SH3GL3: variants seen among roughly 807,000 people sequenced by gnomAD.
The protein encoded by SH3GL3 is SH3 domain containing GRB2 like 3, endophilin A3.
In SH3GL3, 33 loss-of-function variants were observed where a neutral mutation model predicts 47.7. That is an observed-to-expected ratio of 0.69 (90% CI 0.52 to 0.92). The LOEUF (loss-of-function observed/expected upper bound fraction) is 0.92. Among genes scored for constraint, SH3GL3 ranks in the 40% least tolerant of loss-of-function variants. SH3GL3 has a pLI of 0.00. For synonymous variants in SH3GL3, 155 were observed against 148.8 expected, an observed-to-expected ratio of 1.04 and a Z score of -0.30; for missense variants, 363 against 417.8, an observed-to-expected ratio of 0.87 and a Z score of 1.14.
intron 1 of SH3GL3, among the ~76,000 whole-genome samples, chr15:83,476,861 G>A (rs1048027691): frequency 6.6e-6 from 1 of 152,156 alleles, no homozygotes; most frequent in Non-Finnish European, 1.5e-5. Context: ...GAAGTATGGC[G>A]GTATGCATGT....
chr15:83,570,246 G>T (rs2730092), intron 4 of SH3GL3, among the ~76,000 whole-genome samples: 72,871 of 151,884 alleles, frequency 0.48, 17,773 homozygotes, highest in African/African-American at 0.56. Flanking sequence ...TTTCAGTACT[G>T]TTGAAAAGTC....
intron 1 of SH3GL3, among the ~76,000 whole-genome samples, chr15:83,497,118 G>A (rs2042111452): frequency 6.6e-6 from 1 of 152,096 alleles, no homozygotes; most frequent in Non-Finnish European, 1.5e-5. Context: ...TTGTGCTGGT[G>A]TTACATATTT....
At chr15:83,514,927 C>T (rs1305985580) in intron 1 of SH3GL3, among the ~76,000 whole-genome samples, 3 of 151,938 alleles carry the variant, frequency 2.0e-5, no homozygotes, top group Non-Finnish European at 2.9e-5. Flanking sequence ...GAAGGCAATG[C>T]GAGGATGGAA....
chr15:83,494,996 T>A (rs761738534), intron 1 of SH3GL3, among the ~76,000 whole-genome samples: 34 of 152,240 alleles, frequency 2.2e-4, no homozygotes, highest in Non-Finnish European at 3.8e-4. Flanking sequence ...AGATGCTCCT[T>A]CCCTTGGTGC....
chr15:83,493,051 A>G (rs954598080), intron 1 of SH3GL3, among the ~76,000 whole-genome samples: 2 of 152,254 alleles, frequency 1.3e-5, no homozygotes, highest in Non-Finnish European at 2.9e-5. Flanking sequence ...ATGTGGAAAC[A>G]TGATCATAGA....
At chr15:83,538,015 T>C (rs1425100154) in intron 1 of SH3GL3, among the ~76,000 whole-genome samples, 1 of 152,228 alleles carries the variant, frequency 6.6e-6, no homozygotes, top group African/African-American at 2.4e-5. Context: ...ATTTACTTCC[T>C]GGAAGTGAGA....
chr15:83,536,248 T>G (rs1243055886), intron 1 of SH3GL3, among the ~76,000 whole-genome samples: 3 of 152,134 alleles, frequency 2.0e-5, no homozygotes, highest in Non-Finnish European at 2.9e-5. Flanking sequence ...CAAGACTTTT[T>G]CTGGATATGG....
chr15:83,484,008 C>T (rs191245735), intron 1 of SH3GL3, among the ~76,000 whole-genome samples: 36 of 152,290 alleles, frequency 2.4e-4, no homozygotes, highest in African/African-American at 8.4e-4. Flanking sequence ...GAATCAAGAG[C>T]CTATTGTCAT....
chr15:83,586,588 G>C (rs529918916), intron 6 of SH3GL3, among the ~76,000 whole-genome samples: 1 of 152,300 alleles, frequency 6.6e-6, no homozygotes, highest in East Asian at 1.9e-4. Context: ...GAAAGTGCGT[G>C]TTGAGACACT....
intron 1 of SH3GL3, among the ~76,000 whole-genome samples, chr15:83,471,360 A>G (rs2040821409): frequency 6.6e-6 from 1 of 152,224 alleles, no homozygotes; most frequent in South Asian, 2.1e-4. Context: ...GCAGGAGGTT[A>G]TTACCTTGAG....
intron 1 of SH3GL3, chr15:83,490,968 C>G: frequency 6.2e-7 from 1 of 1,609,848 alleles, no homozygotes; most frequent in Non-Finnish European, 8.5e-7. Flanking sequence ...AAAAGCCATT[C>G]TCATCAGCAC....
chr15:83,615,552 A>G (rs992669068), intron 8 of SH3GL3, among the ~76,000 whole-genome samples: 3 of 152,188 alleles, frequency 2.0e-5, no homozygotes, highest in South Asian at 4.1e-4. Context: ...CCTCAAGTGA[A>G]CTGCCCGCCT....
chr15:83,476,562 T>C (rs2041108354), intron 1 of SH3GL3, among the ~76,000 whole-genome samples: 1 of 152,262 alleles, frequency 6.6e-6, no homozygotes, highest in Non-Finnish European at 1.5e-5. Context: ...GAGCTAAGAA[T>C]GGTTTTTATA....
chr15:83,485,635 C>T (rs1293885151), intron 1 of SH3GL3, among the ~76,000 whole-genome samples: 2 of 151,696 alleles, frequency 1.3e-5, no homozygotes, highest in African/African-American at 4.8e-5. Context: ...AGGCGTATGC[C>T]ACCACACCTA....
chr15:83,463,767 C>CTTTCTTTTTTTTT (rs1275377851), intron 1 of SH3GL3, among the ~76,000 whole-genome samples: 1 of 122,924 alleles, frequency 8.1e-6, no homozygotes, highest in Non-Finnish European at 1.7e-5. Context: ...TTCTTTCTTT[C>CTTTCTTTTTTTTT]TTTTTTTTTT....
intron 1 of SH3GL3, among the ~76,000 whole-genome samples, chr15:83,450,418 A>G (rs945079757): frequency 2.0e-5 from 3 of 152,212 alleles, no homozygotes; most frequent in Non-Finnish European, 2.9e-5. Flanking sequence ...GAAGGGATCC[A>G]GGACCATGGC....
chr15:83,471,770 A>G (rs938917470), intron 1 of SH3GL3, among the ~76,000 whole-genome samples: 2 of 152,038 alleles, frequency 1.3e-5, no homozygotes, highest in Non-Finnish European at 2.9e-5. Flanking sequence ...CTGTAATTCA[A>G]ATTGTTTTTC....
At position 83,589,271 on chromosome 15, in the gene SH3GL3, G is replaced by A. The variant is rs377366772; in HGVS notation, c.838+500G>A. Among the ~76,000 whole-genome samples, 41 of 152,204 alleles carry A rather than the reference G, an allele frequency of 2.7e-4. No homozygotes were observed. In the East Asian group the frequency reaches 5.4e-3, roughly 20 times the overall value. On this transcript the variant is annotated intron_variant, in intron 8 of 8. Transcript: ENST00000427482. ...GTGATCACCTACACCATCGCAGTTC[G>A]CTTCCTAGATGTAGCCACTGTTAAA... is the stretch of plus-strand genomic sequence containing the variant.
At chr15:83,476,931 C>T (rs150296685) in intron 1 of SH3GL3, among the ~76,000 whole-genome samples, 1 of 152,206 alleles carries the variant, frequency 6.6e-6, no homozygotes, top group Admixed American at 6.5e-5. Flanking sequence ...TTTGGTTGTG[C>T]ATTTTTGGAG....
Sources: gnomAD v4.1 joint callset for allele counts (sites outside exome capture counted in the v4.1 genomes callset) on GRCh38, gnomAD v4.1.1 for gene constraint, MANE v1.5 for transcripts, NCBI Gene and HGNC (gene_info 2026-07-23, HGNC 2026-07-21) for gene names.